LRBA: variants seen among roughly 807,000 people sequenced by gnomAD.
LRBA encodes lipopolysaccharide-responsive and beige-like anchor protein.
In LRBA, 176 loss-of-function variants were observed where a neutral mutation model predicts 330.0. That is an observed-to-expected ratio of 0.53 (90% confidence interval 0.47 to 0.60). The LOEUF is 0.60. Among genes scored for constraint, LRBA ranks in the 20% least tolerant of loss-of-function variants. LRBA has a pLI of 0.00. For missense variants in LRBA, 3,259 were observed against 3,444.8 expected (o/e 0.95, Z 1.35); for synonymous variants, 1,230 against 1,193.0 (o/e 1.03, Z -0.64).
chr4:150,492,255 T>C (rs1046413173), intron 40 of LRBA, among the ~76,000 whole-genome samples: 2 of 151,932 alleles, frequency 1.3e-5, no homozygotes, highest in Admixed American at 1.3e-4. Context: ...TGATTCTATT[T>C]CTGACACCAC....
chr4:150,275,044 A>G (rs942285982), intron 56 of LRBA, among the ~76,000 whole-genome samples: 3 of 152,222 alleles, frequency 2.0e-5, no homozygotes, highest in Admixed American at 1.3e-4. Context: ...AATACTGGCA[A>G]ACCAAATCCA....
chr4:150,740,327 G>A lies in LRBA; in HGVS notation c.5646-4961C>T, dbSNP rs1015536210. Among the ~76,000 whole-genome samples, 11 of 151,992 alleles carry A rather than the reference G, an allele frequency of 7.2e-5. No homozygotes were observed. The East Asian group carries it at 2.1e-3, about 29-fold the overall frequency. On this transcript the variant is annotated intron_variant, in intron 35 of 56. Coordinates refer to ENST00000651943, the MANE Select transcript of LRBA (RefSeq NM_001364905.1). ...AAAGAACAGCCAGTGAACACTGAAAGTTAAATAAGGATAAGAACAGAAATT... is the reference window on the plus strand; with the variant it reads ...AAAGAACAGCCAGTGAACACTGAAAATTAAATAAGGATAAGAACAGAAATT...
At chr4:150,459,176 G>A (rs74982875) in intron 44 of LRBA, among the ~76,000 whole-genome samples, 2,711 of 151,980 alleles carry the variant, frequency 0.018, 88 homozygotes, top group African/African-American at 0.06. Flanking sequence ...ACAGCAGAAG[G>A]GGTCTAGGGG....
At chr4:150,947,310 G>A (rs1010402730) in intron 2 of LRBA, among the ~76,000 whole-genome samples, 15 of 150,358 alleles carry the variant, frequency 1.0e-4, no homozygotes, top group South Asian at 2.1e-4. Context: ...AGTAGAATTC[G>A]GCAATAAATA....
Position 150,828,396 on chromosome 4 carries a change from G to A in LRBA, c.4955C>T (p.Pro1652Leu), listed in dbSNP as rs138628532. The A allele has an allele frequency of 3.7e-5, 60 of 1,614,024 alleles. No homozygotes were observed. The African/African-American group carries it at 4.8e-4, about 13-fold the overall frequency. The change falls in exon 30 of 57, where the codon CCG becomes CTG. Residue 1652 changes from proline to leucine, a missense_variant. By Grantham distance (98) the Pro-to-Leu change is moderately conservative. Transcript: ENST00000651943. ...STLSLEVNKS[P>L]ETKNDRGNDL... ...ATTTCCTCTATCATTTTTGGTTTCC[G>A]GAGACTTATTGACTTCTAAAGAAAG...
chr4:150,266,194 C>T (rs891029400), intron 56 of LRBA, among the ~76,000 whole-genome samples: 1 of 152,180 alleles, frequency 6.6e-6, no homozygotes, highest in Admixed American at 6.5e-5. Flanking sequence ...GAAGGAACCA[C>T]AATCTCAAAG....
At chr4:150,613,783 G>A (rs1014376736) in intron 37 of LRBA, among the ~76,000 whole-genome samples, 13 of 152,190 alleles carry the variant, frequency 8.5e-5, no homozygotes, top group African/African-American at 3.1e-4. Flanking sequence ...TATGCTCTTT[G>A]CACATTTACA....
intron 37 of LRBA, among the ~76,000 whole-genome samples, chr4:150,615,554 G>C (rs954172438): frequency 6.6e-6 from 1 of 151,948 alleles, no homozygotes; most frequent in Non-Finnish European, 1.5e-5. Flanking sequence ...GAGAAGAGGA[G>C]GCACTGATAT....
chr4:150,276,329 C>A (rs924028639), intron 56 of LRBA, among the ~76,000 whole-genome samples: 5 of 152,086 alleles, frequency 3.3e-5, no homozygotes, highest in African/African-American at 1.2e-4. Context: ...CCATAAAAAC[C>A]CTAGAAGGAA....
intron 44 of LRBA, among the ~76,000 whole-genome samples, chr4:150,439,746 C>T (rs1751577370): frequency 6.6e-6 from 1 of 152,120 alleles, no homozygotes. Context: ...AACAATAGAT[C>T]TGTAATGACA....
intron 22 of LRBA, among the ~76,000 whole-genome samples, chr4:150,866,749 A>C (rs1417976313): frequency 6.6e-6 from 1 of 152,214 alleles, no homozygotes; most frequent in Non-Finnish European, 1.5e-5. Context: ...CATGCAATAC[A>C]TTACAATTGA....
intron 37 of LRBA, among the ~76,000 whole-genome samples, chr4:150,638,229 A>C (rs1778123761): frequency 6.6e-6 from 1 of 151,942 alleles, no homozygotes; most frequent in Non-Finnish European, 1.5e-5. Context: ...GGTTTTCACC[A>C]TGTTGGCCAG....
At position 150,953,386 on chromosome 4, in the gene LRBA, CT is replaced by C. The variant is rs1316323812; in HGVS notation, c.217-24322del. 2.8e-4 allele frequency among the ~76,000 whole-genome samples: 41 copies of C among 147,264 alleles called. No individual in the cohort carries two copies. In the East Asian group the frequency reaches 3.2e-3, roughly 12 times the overall value. ...CTCCCTCCCCCTCCCCCTCCCCCCCCTCTTTGCACGGTCTCCCTCTGATGCC... is the reference window on the plus strand; with the variant it reads ...CTCCCTCCCCCTCCCCCTCCCCCCCCCTTTGCACGGTCTCCCTCTGATGCC... On this transcript the variant is annotated intron_variant, in intron 2 of 56. Transcript: ENST00000651943.
At chr4:150,856,315 C>T (rs1226747486) in intron 22 of LRBA, among the ~76,000 whole-genome samples, 1 of 152,160 alleles carries the variant, frequency 6.6e-6, no homozygotes, top group Non-Finnish European at 1.5e-5. Flanking sequence ...TACTACATAG[C>T]TGCTATTGGG....
intron 4 of LRBA, among the ~76,000 whole-genome samples, chr4:150,927,372 TAAAA>T (rs556103105): frequency 2.4e-5 from 3 of 125,920 alleles, no homozygotes; most frequent in Non-Finnish European, 5.1e-5. Flanking sequence ...GACTCTGCCT[TAAAA>T]AAAAAAAAAA....
intron 46 of LRBA, among the ~76,000 whole-genome samples, chr4:150,434,095 T>G (rs1750780341): frequency 6.6e-6 from 1 of 152,138 alleles, no homozygotes; most frequent in African/African-American, 2.4e-5. Flanking sequence ...GCAGTATAAC[T>G]TTTCTCCTTT....
intron 53 of LRBA, among the ~76,000 whole-genome samples, chr4:150,290,436 C>T (rs1286083007): frequency 1.3e-5 from 2 of 152,118 alleles, no homozygotes; most frequent in South Asian, 2.1e-4. Flanking sequence ...AAAGGCTAGA[C>T]CATAAAGCAG....
intron 17 of LRBA, among the ~76,000 whole-genome samples, chr4:150,876,639 A>T (rs1463674654): frequency 6.6e-6 from 1 of 152,210 alleles, no homozygotes; most frequent in Non-Finnish European, 1.5e-5. Flanking sequence ...AGGAGAAATA[A>T]ATGTTTTTCA....
chr4:150,621,885 C>T (rs1776328425), intron 37 of LRBA, among the ~76,000 whole-genome samples: 1 of 152,120 alleles, frequency 6.6e-6, no homozygotes, highest in Non-Finnish European at 1.5e-5. Flanking sequence ...TGTATGCACC[C>T]TTTTGATCAA....
Sources: allele counts gnomAD v4.1 joint callset (sites outside exome capture counted in the v4.1 genomes callset), GRCh38; gene constraint gnomAD v4.1.1; transcripts MANE v1.5; gene names NCBI Gene and HGNC (gene_info 2026-07-23, HGNC 2026-07-21).